RGS7: variants seen among roughly 807,000 people sequenced by gnomAD.
RGS7 encodes regulator of G protein signaling 7.
RGS7 carries 27 observed loss-of-function variants against 81.1 expected under a neutral mutation model. The ratio of observed to expected loss-of-function variants is 0.33; its 90% CI spans 0.25 to 0.46. The LOEUF (loss-of-function observed/expected upper bound fraction) is 0.46, where lower values mean the gene tolerates loss of function less well. Ranked by LOEUF, RGS7 falls within the 20% of genes least tolerant of loss-of-function variation. RGS7 has a pLI of 1.00. For synonymous variants in RGS7, 208 were observed against 207.7 expected (o/e 1.00, Z -0.01); for missense variants, 396 against 607.4 (o/e 0.65, Z 3.66).
rs188288403 is a variant in RGS7 at position 241,224,096 on chromosome 1, T to C, written c.79-125334A>G. On this transcript the variant is annotated intron_variant, in intron 2 of 18. Coordinates refer to ENST00000440928, the MANE Select transcript of RGS7 (RefSeq NM_001364886.1). ...TATATATACCATATATATATTTCTT[T>C]AATTTATTTTTTAATTATACTTTAA... Among the ~76,000 whole-genome samples the C allele has an allele frequency of 6.6e-3, 1,009 of 151,818 alleles. 11 individuals are homozygous for C. The highest frequency in any genetic ancestry group is 0.024 in the African/African-American group (980 of 41,446).
intron 2 of RGS7, among the ~76,000 whole-genome samples, chr1:241,162,517 T>C (rs138567986): frequency 6.6e-6 from 1 of 152,222 alleles, no homozygotes; most frequent in African/African-American, 2.4e-5. Context: ...AAGGACCGGA[T>C]GGGGCACTGG....
At chr1:241,071,349 A>C (rs930633665) in intron 3 of RGS7, among the ~76,000 whole-genome samples, 2 of 152,196 alleles carry the variant, frequency 1.3e-5, no homozygotes, top group African/African-American at 4.8e-5. Flanking sequence ...ACTGACCCGA[A>C]TAGAAAGCTA....
chr1:241,161,139 A>G (rs1028918481), intron 2 of RGS7, among the ~76,000 whole-genome samples: 18 of 152,188 alleles, frequency 1.2e-4, no homozygotes, highest in African/African-American at 4.1e-4. Context: ...ACATCATTCC[A>G]AGGTTGTGTC....
At chr1:240,881,288 G>A (rs1666319439) in intron 6 of RGS7, among the ~76,000 whole-genome samples, 1 of 138,704 alleles carries the variant, frequency 7.2e-6, no homozygotes, top group African/African-American at 2.7e-5. Flanking sequence ...TCATAGGTGG[G>A]AATTGAACAA....
At chr1:241,344,318 T>C (rs1325457208) in intron 2 of RGS7, among the ~76,000 whole-genome samples, 1 of 152,234 alleles carries the variant, frequency 6.6e-6, no homozygotes, top group African/African-American at 2.4e-5. Context: ...TGAAGAGCAG[T>C]GAATTCTAAA....
intron 9 of RGS7, among the ~76,000 whole-genome samples, chr1:240,831,749 T>A (rs963610294): frequency 2.6e-5 from 4 of 151,904 alleles, no homozygotes; most frequent in African/African-American, 9.7e-5. Context: ...GATTCTCCTG[T>A]CTCAGCCTTC....
At position 241,124,383 on chromosome 1, in the gene RGS7, GA is replaced by G. The variant is rs1249357967; in HGVS notation, c.79-25622del. Reference sequence around the variant, plus strand: ...CACTCCAGCCTGGGTGACAGAGAGAGACCCTGTCTCTTTGAAAAAAATAAAA... The same window carrying G: ...CACTCCAGCCTGGGTGACAGAGAGAGCCCTGTCTCTTTGAAAAAAATAAAA... On this transcript the variant is annotated intron_variant, in intron 2 of 18. Coordinates refer to ENST00000440928, the MANE Select transcript of RGS7 (RefSeq NM_001364886.1). Among the ~76,000 whole-genome samples, 11 of 152,246 alleles carry G rather than the reference GA, an allele frequency of 7.2e-5. No individual in the cohort carries two copies. In the East Asian group the frequency reaches 2.1e-3, roughly 29 times the overall value.
intron 12 of RGS7, among the ~76,000 whole-genome samples, 170 bp from the exon 13 acceptor site, chr1:240,813,898 T>C (rs1004339631): frequency 2.0e-5 from 3 of 152,220 alleles, no homozygotes; most frequent in Non-Finnish European, 2.9e-5. Flanking sequence ...AACAACTTAT[T>C]GTGCTTCTTG....
intron 6 of RGS7, among the ~76,000 whole-genome samples, chr1:240,873,293 T>G (rs1664812522): frequency 2.0e-5 from 3 of 152,216 alleles, no homozygotes; most frequent in Non-Finnish European, 4.4e-5. Flanking sequence ...ATGCCATTTT[T>G]GGGGTTCTAT....
At chr1:241,075,188 G>A (rs2062718928) in intron 3 of RGS7, among the ~76,000 whole-genome samples, 1 of 152,086 alleles carries the variant, frequency 6.6e-6, no homozygotes, top group African/African-American at 2.4e-5. Context: ...AAAAGAAGGG[G>A]GAAAAGTCGA....
At chr1:240,947,412 T>C (rs1245895096) in intron 4 of RGS7, among the ~76,000 whole-genome samples, 1 of 152,220 alleles carries the variant, frequency 6.6e-6, no homozygotes, top group African/African-American at 2.4e-5. Flanking sequence ...AATTGAATTG[T>C]TGGCTTTCAT....
chr1:241,045,967 G>T (rs10926407), intron 3 of RGS7, among the ~76,000 whole-genome samples: 44 of 152,096 alleles, frequency 2.9e-4, no homozygotes, highest in Admixed American at 5.9e-4. Context: ...ACAATTGAAG[G>T]TGTGCCCTGG....
At chr1:241,305,824 C>A in intron 2 of RGS7, 1 of 305,598 alleles carries the variant, frequency 3.3e-6, no homozygotes, top group Non-Finnish European at 6.5e-6. Context: ...GCCTTGGTTT[C>A]CTCACGTTCT....
At chr1:240,788,729 G>A (rs1032055674) in intron 18 of RGS7, among the ~76,000 whole-genome samples, 6 of 152,170 alleles carry the variant, frequency 3.9e-5, no homozygotes, top group Non-Finnish European at 8.8e-5. Flanking sequence ...TAACCAATGC[G>A]GAGCAGAGAC....
chr1:241,259,667 A>AAAAAAAAAAAAAAAAAAAAATATAT, intron 2 of RGS7, among the ~76,000 whole-genome samples: 9 of 49,142 alleles, frequency 1.8e-4, no homozygotes, highest in Admixed American at 3.8e-4. Flanking sequence ...AAAAAAAAAA[A>AAAAAAAAAAAAAAAAAAAAATATAT]ATATATATAT....
chr1:241,218,937 C>T (rs146050145), intron 2 of RGS7, among the ~76,000 whole-genome samples: 3 of 152,174 alleles, frequency 2.0e-5, no homozygotes, highest in African/African-American at 7.2e-5. Flanking sequence ...TGGGGAACCA[C>T]ACTTTGAGAA....
intron 2 of RGS7, among the ~76,000 whole-genome samples, chr1:241,341,510 TTAAAC>T (rs1365862826): frequency 6.6e-6 from 1 of 151,796 alleles, no homozygotes; most frequent in Non-Finnish European, 1.5e-5. Flanking sequence ...TGCTAGTCCT[TTAAAC>T]TATTAGGATT....
intron 3 of RGS7, among the ~76,000 whole-genome samples, chr1:241,087,056 C>T (rs1486060485): frequency 6.6e-6 from 1 of 152,160 alleles, no homozygotes; most frequent in Non-Finnish European, 1.5e-5. Context: ...CCTTCTCCTC[C>T]CTAGACTGTG....
chr1:241,242,412 G>A (rs1400318924), intron 2 of RGS7, among the ~76,000 whole-genome samples: 1 of 152,090 alleles, frequency 6.6e-6, no homozygotes, highest in African/African-American at 2.4e-5. Context: ...ATTTTTTGCA[G>A]TTGTGAACTG....
Sources: allele counts gnomAD v4.1 joint callset (sites outside exome capture counted in the v4.1 genomes callset), GRCh38; gene constraint gnomAD v4.1.1; transcripts MANE v1.5; gene names NCBI Gene and HGNC (gene_info 2026-07-23, HGNC 2026-07-21).